Variants in SCAND3 observed in about 807,000 individuals in gnomAD.
The protein encoded by SCAND3 is SCAN domain-containing protein 3.
the SCAND3 span, among the ~76,000 whole-genome samples, chr6:28,614,945 T>C: frequency 2.0e-5 from 3 of 152,248 alleles, no homozygotes; most frequent in Non-Finnish European, 4.4e-5. Context: ...GTTCAAGATA[T>C]ATTAGTTTAC....
the SCAND3 span, among the ~76,000 whole-genome samples, chr6:28,580,410 T>C: frequency 6.6e-6 from 1 of 150,398 alleles, no homozygotes; most frequent in African/African-American, 2.5e-5. Context: ...GTTGAGATCA[T>C]GCCACTGCAC....
chr6:28,573,266 C>T, the SCAND3 span: 1 of 1,614,080 alleles, frequency 6.2e-7, no homozygotes, highest in Non-Finnish European at 8.5e-7. Flanking sequence ...ATACGTCGAG[C>T]TATGGTGTCA....
the SCAND3 span, among the ~76,000 whole-genome samples, chr6:28,601,957 C>T: frequency 2.5e-4 from 38 of 151,648 alleles, no homozygotes; most frequent in African/African-American, 8.5e-4. Flanking sequence ...TCTATGCCCT[C>T]CATTTCCCTC....
At chr6:28,582,704 T>A in the SCAND3 span, among the ~76,000 whole-genome samples, 1 of 150,520 alleles carries the variant, frequency 6.6e-6, no homozygotes, top group East Asian at 2.0e-4. The surrounding 1 kb of genome is among the most constrained non-coding windows in gnomAD (Gnocchi z 4.8). Flanking sequence ...GGGCGGATCA[T>A]GAGATCAAGA....
chr6:28,595,134 G>A, the SCAND3 span, among the ~76,000 whole-genome samples: 1 of 145,126 alleles, frequency 6.9e-6, no homozygotes, highest in South Asian at 2.2e-4. Context: ...GGCTGAGAGG[G>A]TCAGGTCAAA....
At chr6:28,582,836 C>T in the SCAND3 span, among the ~76,000 whole-genome samples, 3 of 151,474 alleles carry the variant, frequency 2.0e-5, no homozygotes, top group East Asian at 5.9e-4. The surrounding 1 kb of genome is among the most constrained non-coding windows in gnomAD (Gnocchi z 4.8). Flanking sequence ...GCAGGAGAAT[C>T]GCTTGTACCA....
the SCAND3 span, among the ~76,000 whole-genome samples, chr6:28,608,336 AT>A: frequency 6.6e-6 from 1 of 152,092 alleles, no homozygotes; most frequent in Admixed American, 6.6e-5. Context: ...TGCAGCCTCC[AT>A]TTTGCAACTG....
the SCAND3 span, among the ~76,000 whole-genome samples, chr6:28,610,849 A>G: frequency 2.6e-5 from 4 of 152,202 alleles, no homozygotes; most frequent in Non-Finnish European, 4.4e-5. Flanking sequence ...TGGGACAAAA[A>G]TTTTATAGAA....
chr6:28,606,991 T>C, the SCAND3 span, among the ~76,000 whole-genome samples: 1 of 152,248 alleles, frequency 6.6e-6, no homozygotes, highest in Non-Finnish European at 1.5e-5. Flanking sequence ...CCTTCCTTTG[T>C]AATTTCACTG....
chr6:28,586,215 C>T, the SCAND3 span: 1 of 1,186,394 alleles, frequency 8.4e-7, no homozygotes, highest in African/African-American at 1.5e-5. The surrounding 1 kb of genome is among the most constrained non-coding windows in gnomAD (Gnocchi z 4.4). Flanking sequence ...TTTCCAACCA[C>T]CAGCGCGAAA....
the SCAND3 span, among the ~76,000 whole-genome samples, chr6:28,597,122 G>T: frequency 6.6e-6 from 1 of 152,130 alleles, no homozygotes. Context: ...GTTTCAACTG[G>T]CTAATTTAAC....
chr6:28,584,034 C>G, the SCAND3 span, among the ~76,000 whole-genome samples: 4 of 152,104 alleles, frequency 2.6e-5, no homozygotes, highest in Non-Finnish European at 5.9e-5. Context: ...ATATCACACC[C>G]CGTGCAAACA....
At chr6:28,572,566 ATATCAGACAAATAAGCAAGTC>A in the SCAND3 span, 1 of 1,614,070 alleles carries the variant, frequency 6.2e-7, no homozygotes, top group East Asian at 2.2e-5. This position sits in a 1 kb window ranked among gnomAD's most constrained non-coding sequence, Gnocchi z 4.1. Flanking sequence ...AATACTGAAG[ATATCAGACAAATAAGCAAGTC>A]TGGCTGTCCA....
chr6:28,595,195 C>CAAAAAAAAA, the SCAND3 span, among the ~76,000 whole-genome samples: 14 of 16,118 alleles, frequency 8.7e-4, 2 homozygotes, highest in Admixed American at 2.2e-3. Flanking sequence ...CCGTCACTAC[C>CAAAAAAAAA]AAAAAAAAAA....
At chr6:28,575,682 A>G in the SCAND3 span, 26 of 1,614,132 alleles carry the variant, frequency 1.6e-5, no homozygotes, top group Non-Finnish European at 2.2e-5. The surrounding 1 kb of genome is among the most constrained non-coding windows in gnomAD (Gnocchi z 4.2). Flanking sequence ...ACAGCATTAT[A>G]ACTTCTTTTG....
the SCAND3 span, among the ~76,000 whole-genome samples, chr6:28,594,647 C>T: frequency 1.3e-5 from 2 of 152,118 alleles, no homozygotes; most frequent in African/African-American, 4.8e-5. Flanking sequence ...AAGAGCAAAA[C>T]TCCAAAGAGA....
At chr6:28,592,214 A>G in the SCAND3 span, among the ~76,000 whole-genome samples, 1 of 152,214 alleles carries the variant, frequency 6.6e-6, no homozygotes, top group Non-Finnish European at 1.5e-5. This position sits in a 1 kb window ranked among gnomAD's most constrained non-coding sequence, Gnocchi z 4.1. Flanking sequence ...GTTACAGAAA[A>G]GTTAGAACTG....
At chr6:28,604,354 C>T in the SCAND3 span, among the ~76,000 whole-genome samples, 3 of 152,136 alleles carry the variant, frequency 2.0e-5, no homozygotes, top group Non-Finnish European at 2.9e-5. Flanking sequence ...CTGTGGCTCA[C>T]GCCTATAATC....
At chr6:28,611,999 T>G in the SCAND3 span, among the ~76,000 whole-genome samples, 1 of 152,090 alleles carries the variant, frequency 6.6e-6, no homozygotes, top group South Asian at 2.1e-4. Context: ...CAGTTAGAGA[T>G]TTTAACAATT....
Sources: gnomAD v4.1 joint callset for allele counts (sites outside exome capture counted in the v4.1 genomes callset) on GRCh38, gnomAD v4.1.1 for gene constraint, Gnocchi (gnomAD v3.1) non-coding constraint, MANE v1.5 for transcripts, NCBI Gene and HGNC (gene_info 2026-07-23, HGNC 2026-07-21) for gene names.